The following MGST1 variants were observed in gnomAD, a reference collection of about 807,000 sequenced individuals.
MGST1 encodes microsomal glutathione S-transferase 1, also known as glutathione S-transferase 12.
MGST1 carries 5 observed loss-of-function variants against 8.9 expected under a neutral mutation model. That is an observed-to-expected ratio of 0.56 (90% confidence interval 0.29 to 1.19). The LOEUF (loss-of-function observed/expected upper bound fraction) is 1.19. MGST1 is among the 50% of genes most tolerant of loss of function. The pLI, the probability that MGST1 is intolerant of heterozygous loss-of-function variation, is 0.08. For missense variants in MGST1, 182 were observed against 187.4 expected (o/e 0.97, Z 0.17); for synonymous variants, 54 against 67.8 (o/e 0.80, Z 1.00).
At chr12:16,450,590 A>G (rs903617047) in intron 4 of MGST1, among the ~76,000 whole-genome samples, 2 of 151,884 alleles carry the variant, frequency 1.3e-5, no homozygotes, top group African/African-American at 2.4e-5. Flanking sequence ...TCCAACTCAG[A>G]ATCGCACTAG....
At chr12:16,571,474 A>G (rs1000057979) in intron 4 of MGST1, among the ~76,000 whole-genome samples, 1 of 152,082 alleles carries the variant, frequency 6.6e-6, no homozygotes, top group Non-Finnish European at 1.5e-5. Flanking sequence ...CATTTGAAAA[A>G]ATATATAGAT....
At chr12:16,399,223 T>G in intron 1 of MGST1, 1 of 1,473,726 alleles carries the variant, frequency 6.8e-7, no homozygotes. Context: ...TCATGTAAAA[T>G]TTTCAGGGTT....
chr12:16,512,810 T>C (rs1469777935), intron 4 of MGST1, among the ~76,000 whole-genome samples: 1 of 152,236 alleles, frequency 6.6e-6, no homozygotes, highest in Non-Finnish European at 1.5e-5. Context: ...ATACAGTATC[T>C]CTATTTTTTC....
intron 4 of MGST1, among the ~76,000 whole-genome samples, chr12:16,566,041 A>AT (rs1942599289): frequency 1.1e-5 from 1 of 90,766 alleles, no homozygotes; most frequent in African/African-American, 4.0e-5. Flanking sequence ...TATATATATA[A>AT]AATGGAGTAC....
rs200073692 is a variant in MGST1 at position 16,408,030 on chromosome 12, C to CAAAAAAAAAAA, written n.778+24444_778+24454dup. Among the ~76,000 whole-genome samples, 13 of 44,098 alleles carry CAAAAAAAAAAA rather than the reference C, an allele frequency of 2.9e-4. 2 individuals are homozygous for CAAAAAAAAAAA. The highest frequency in any genetic ancestry group is 1.4e-3 in the East Asian group (3 of 2,088). 28.9% of individuals were successfully genotyped at this position (44,098 alleles called of 152,430 possible). A position where few individuals can be genotyped will look rare whatever the true frequency, so the allele number is the denominator to read the frequency against. ...CTGGCAACAGAGCAAGACTCTGTCTCAAAAAAAAAAAAAAAAAAAAAAAAA... is the reference window on the plus strand; with the variant it reads ...CTGGCAACAGAGCAAGACTCTGTCTCAAAAAAAAAAAAAAAAAAAAAAAAAAAAAAAAAAAA... On this transcript the variant is annotated intron_variant and non_coding_transcript_variant, in intron 1 of 1. Coordinates refer to the MGST1 transcript ENST00000359720.
In MGST1 at chr12:16,537,904, T is replaced by C. The variant is rs1271505425; in HGVS notation, n.483-51624T>C. Among the ~76,000 whole-genome samples, 5 of 152,188 alleles carry C rather than the reference T, an allele frequency of 3.3e-5. No individual in the cohort carries two copies. On this transcript the variant is annotated intron_variant and non_coding_transcript_variant, in intron 4 of 4. Transcript: ENST00000538857. This position sits in a 1 kb window ranked among gnomAD's most constrained non-coding sequence, Gnocchi z 4.6. Reference sequence around the variant, plus strand: ...CCTATTGCATGCCCTAGGCACATTTTCCCCATTGTCTTGGAGATTAACATG... The same window carrying C: ...CCTATTGCATGCCCTAGGCACATTTCCCCCATTGTCTTGGAGATTAACATG...
At chr12:16,479,250 T>TTTTG (rs1318187324) in intron 4 of MGST1, among the ~76,000 whole-genome samples, 1 of 147,676 alleles carries the variant, frequency 6.8e-6, no homozygotes, top group Non-Finnish European at 1.5e-5. Flanking sequence ...TTTTTTTTTT[T>TTTTG]TTTTGACGGA....
At chr12:16,564,197 T>C (rs1942507521) in intron 4 of MGST1, among the ~76,000 whole-genome samples, 1 of 152,220 alleles carries the variant, frequency 6.6e-6, no homozygotes, top group African/African-American at 2.4e-5. Context: ...ACTTTCTAAC[T>C]TTCTTAGGGG....
chr12:16,350,622 G>A (rs751665849), intron 1 of MGST1: 1 of 152,184 alleles, frequency 6.6e-6, no homozygotes, highest in Non-Finnish European at 1.5e-5. Context: ...CAAACTCGTG[G>A]CAATTGATTG....
intron 1 of MGST1, among the ~76,000 whole-genome samples, chr12:16,350,026 G>C (rs1320221251): frequency 2.6e-5 from 4 of 152,148 alleles, no homozygotes; most frequent in African/African-American, 9.7e-5. Flanking sequence ...TTACAGGCAT[G>C]AGCCACCGCG....
At chr12:16,382,310 G>T (rs182959399), upstream of MGST1, among the ~76,000 whole-genome samples, 1,022 of 152,228 alleles carry the variant, frequency 6.7e-3, 17 homozygotes, top group African/African-American at 0.023. Context: ...ATACAGATGG[G>T]TTTTTGGTAT....
intron 4 of MGST1, among the ~76,000 whole-genome samples, chr12:16,566,030 AT>A (rs1942595537): frequency 1.2e-5 from 1 of 82,108 alleles, no homozygotes; most frequent in Admixed American, 1.2e-4. Context: ...ATATATATAT[AT>A]ATATATATAA....
intron 3 of MGST1, among the ~76,000 whole-genome samples, chr12:16,359,310 A>G (rs1038361982): frequency 2.0e-5 from 3 of 152,174 alleles, no homozygotes; most frequent in Admixed American, 1.3e-4. Context: ...CCTTTTCAGC[A>G]CTAAAATTAA....
downstream of MGST1, among the ~76,000 whole-genome samples, chr12:16,369,201 A>C (rs1264349501): frequency 6.6e-6 from 1 of 152,174 alleles, no homozygotes; most frequent in East Asian, 1.9e-4. This position sits in a 1 kb window ranked among gnomAD's most constrained non-coding sequence, Gnocchi z 4.8. Context: ...TGGCTGCCTG[A>C]GATAATGACT....
At chr12:16,426,425 C>T (rs982305703) in intron 1 of MGST1, among the ~76,000 whole-genome samples, 1 of 152,156 alleles carries the variant, frequency 6.6e-6, no homozygotes, top group African/African-American at 2.4e-5. Context: ...CTCTTCTTCC[C>T]TCTGCATTCT....
Position 16,587,788 on chromosome 12 carries a change from C to G in MGST1, n.483-1740C>G, listed in dbSNP as rs1028113986. Among the ~76,000 whole-genome samples the G allele has an allele frequency of 6.6e-6, 1 of 151,704 alleles. No individual in the cohort carries two copies. The highest frequency in any genetic ancestry group is 2.4e-5 in the African/African-American group (1 of 41,376). On this transcript the variant is annotated intron_variant and non_coding_transcript_variant, in intron 4 of 4. Transcript: ENST00000538857. This position sits in a 1 kb window ranked among gnomAD's most constrained non-coding sequence, Gnocchi z 4.3. ...TCTTAGCATTTATCTGTCTAAAAATCTCACTGTGTCCTGAATGGGGGGTTT... is the reference window on the plus strand; with the variant it reads ...TCTTAGCATTTATCTGTCTAAAAATGTCACTGTGTCCTGAATGGGGGGTTT...
intron 4 of MGST1, among the ~76,000 whole-genome samples, chr12:16,538,869 A>G (rs1010190938): frequency 3.3e-5 from 5 of 152,032 alleles, no homozygotes; most frequent in Non-Finnish European, 7.4e-5. Flanking sequence ...CGGCCTCCCA[A>G]AGTGCTGGGA....
intron 4 of MGST1, among the ~76,000 whole-genome samples, chr12:16,495,479 G>T (rs1216457832): frequency 3.3e-5 from 5 of 151,916 alleles, no homozygotes; most frequent in African/African-American, 9.7e-5. Context: ...TTGAAGAAAA[G>T]AATAAAATTC....
At chr12:16,446,200 A>G (rs1346791273) in intron 4 of MGST1, among the ~76,000 whole-genome samples, 2 of 152,076 alleles carry the variant, frequency 1.3e-5, no homozygotes, top group South Asian at 2.1e-4. Flanking sequence ...CAAATGACCA[A>G]TAGCAATATC....
Sources: allele counts gnomAD v4.1 joint callset (sites outside exome capture counted in the v4.1 genomes callset), GRCh38; gene constraint gnomAD v4.1.1; non-coding constraint Gnocchi (gnomAD v3.1); transcripts MANE v1.5; gene names NCBI Gene and HGNC (gene_info 2026-07-23, HGNC 2026-07-21).